Variants in SPACA7 observed in about 807,000 individuals in gnomAD.
SPACA7 encodes the protein sperm acrosome-associated protein 7.
SPACA7 carries 19 observed loss-of-function variants against 26.3 expected under a neutral mutation model. That is an observed-to-expected ratio of 0.72 (90% confidence interval 0.50 to 1.06). The LOEUF is 1.06. Ranked by LOEUF, SPACA7 falls within the 50% of genes least tolerant of loss-of-function variation. The pLI is 0.00. For synonymous variants in SPACA7, 84 were observed against 84.5 expected, an observed-to-expected ratio of 0.99 and a Z score of 0.04; for missense variants, 211 against 229.9, an observed-to-expected ratio of 0.92 and a Z score of 0.53.
chr13:112,393,811 C>A (rs1033595371), intron 2 of SPACA7, among the ~76,000 whole-genome samples: 9 of 152,206 alleles, frequency 5.9e-5, no homozygotes, highest in African/African-American at 1.9e-4. Flanking sequence ...CATGGTGAAA[C>A]CCCGCCTCTA....
At chr13:112,382,579 T>G (rs762651015) in intron 1 of SPACA7, 216 of 1,516,710 alleles carry the variant, frequency 1.4e-4, no homozygotes, top group Non-Finnish European at 1.7e-4. Context: ...CCAAGGCTTG[T>G]GTGGTAAAAA....
At chr13:112,377,331 G>T (rs1312968394) in intron 1 of SPACA7, among the ~76,000 whole-genome samples, 1 of 152,130 alleles carries the variant, frequency 6.6e-6, no homozygotes, top group Non-Finnish European at 1.5e-5. Context: ...GGACACAAAG[G>T]TCTGCTATCT....
chr13:112,394,967 A>G (rs542150514), intron 2 of SPACA7, among the ~76,000 whole-genome samples: 359 of 152,354 alleles, frequency 2.4e-3, no homozygotes, highest in African/African-American at 8.2e-3. Flanking sequence ...AGCTGAAAGC[A>G]TTGACAGTGA....
intron 2 of SPACA7, among the ~76,000 whole-genome samples, chr13:112,393,984 CA>C (rs35094954): frequency 2.7e-3 from 364 of 133,268 alleles, no homozygotes; most frequent in East Asian, 4.0e-3. Context: ...GACTCTGTCT[CA>C]AAAAAAAAAA....
intron 5 of SPACA7, among the ~76,000 whole-genome samples, chr13:112,403,052 A>G (rs1183828982): frequency 6.6e-6 from 1 of 152,148 alleles, no homozygotes; most frequent in Non-Finnish European, 1.5e-5. Flanking sequence ...TTGGTTCTTT[A>G]GAGCATCAGA....
intron 5 of SPACA7, among the ~76,000 whole-genome samples, chr13:112,407,970 A>G (rs961204766): frequency 5.3e-5 from 8 of 152,226 alleles, no homozygotes; most frequent in African/African-American, 1.9e-4. Flanking sequence ...AAAATCCTCA[A>G]TAACACACTG....
chr13:112,395,573 C>T (rs1409762286), intron 2 of SPACA7, among the ~76,000 whole-genome samples: 1 of 152,134 alleles, frequency 6.6e-6, no homozygotes, highest in Non-Finnish European at 1.5e-5. Flanking sequence ...TGGGTTCAAG[C>T]GATTCTCCTG....
In SPACA7 at chr13:112,376,488, C is replaced by G. The variant is rs776817423; in HGVS notation, c.94+9C>G. ...GAGAACCGTGATTCCAGGTAGGGCC[C>G]CACAGGGATGTCTCAGCAGAAAGAG... On this transcript the variant is annotated intron_variant, in intron 1 of 6. Coordinates refer to ENST00000283550, the MANE Select transcript of SPACA7 (RefSeq NM_145248.5). 1.9e-6 allele frequency: 3 copies of G among 1,610,488 alleles called. No individual in the cohort carries two copies. The highest frequency in any genetic ancestry group is 1.7e-6 in the Non-Finnish European group (2 of 1,178,400).
intron 5 of SPACA7, among the ~76,000 whole-genome samples, chr13:112,423,486 G>A (rs1167254652): frequency 6.6e-6 from 1 of 152,128 alleles, no homozygotes; most frequent in Non-Finnish European, 1.5e-5. Context: ...TCAAGATGAA[G>A]TGATGAGTGG....
chr13:112,413,075 C>A (rs113591190), intron 5 of SPACA7, among the ~76,000 whole-genome samples: 109 of 152,052 alleles, frequency 7.2e-4, no homozygotes, highest in Middle Eastern at 3.4e-3. Context: ...ATAGATTTGC[C>A]TTTTCATCTT....
chr13:112,410,607 T>C (rs1440247664), intron 5 of SPACA7, among the ~76,000 whole-genome samples: 1 of 152,068 alleles, frequency 6.6e-6, no homozygotes, highest in Non-Finnish European at 1.5e-5. Flanking sequence ...ATTCCACTTA[T>C]ATGACGCACC....
At chr13:112,430,170 C>CTGTG (rs1437758497) in intron 5 of SPACA7, among the ~76,000 whole-genome samples, 137 of 115,158 alleles carry the variant, frequency 1.2e-3, no homozygotes, top group Non-Finnish European at 1.2e-3. Context: ...TTGCATCTCT[C>CTGTG]TCTCTGTGTG....
In SPACA7 at chr13:112,392,925, G is replaced by A; in HGVS notation, c.95-96G>A. The A allele has an allele frequency of 3.0e-6, 3 of 996,166 alleles. No homozygotes were observed. In the East Asian group the frequency reaches 7.6e-5, roughly 25 times the overall value. 61.7% of individuals were successfully genotyped at this position (996,166 alleles called of 1,614,324 possible). The stretch of plus-strand genomic sequence containing the variant: ...GGGCAGGGCTCCTTCCTCTAGAGGG[G>A]GCTGGTGGGCACCCACAAAACCATA... On this transcript the variant is annotated intron_variant, in intron 1 of 6. Coordinates refer to ENST00000283550, the MANE Select transcript of SPACA7 (RefSeq NM_145248.5).
rs566857324 is a variant in SPACA7 at position 112,430,859 on chromosome 13, T to C, written c.446-1585T>C. 2.1e-4 allele frequency among the ~76,000 whole-genome samples: 32 copies of C among 152,376 alleles called. No individual in the cohort carries two copies. The South Asian group carries it at 6.6e-3, about 32-fold the overall frequency. On this transcript the variant is annotated intron_variant, in intron 5 of 6. Coordinates refer to ENST00000283550, the MANE Select transcript of SPACA7 (RefSeq NM_145248.5). Reference sequence around the variant, plus strand: ...AAACTAAAGATAAAATGTTTTGTATTAAATGATGAATTACATATGTTTCCA... The same window carrying C: ...AAACTAAAGATAAAATGTTTTGTATCAAATGATGAATTACATATGTTTCCA...
At chr13:112,428,933 G>A (rs1876802685) in intron 5 of SPACA7, among the ~76,000 whole-genome samples, 1 of 152,124 alleles carries the variant, frequency 6.6e-6, no homozygotes, top group Non-Finnish European at 1.5e-5. Flanking sequence ...GTTGATTATG[G>A]AGAAAGCACT....
chr13:112,413,114 C>A (rs1413936494), intron 5 of SPACA7, among the ~76,000 whole-genome samples: 1 of 152,084 alleles, frequency 6.6e-6, no homozygotes, highest in East Asian at 1.9e-4. Flanking sequence ...GGTTTGCACA[C>A]CACAATTGCA....
chr13:112,407,534 A>G (rs1024837131), intron 5 of SPACA7, among the ~76,000 whole-genome samples: 3 of 152,188 alleles, frequency 2.0e-5, no homozygotes, highest in African/African-American at 7.2e-5. Flanking sequence ...GGTAAAGGGG[A>G]TATCACCACC....
chr13:112,405,752 G>T (rs936079137), intron 5 of SPACA7, among the ~76,000 whole-genome samples: 1 of 152,106 alleles, frequency 6.6e-6, no homozygotes, highest in African/African-American at 2.4e-5. Flanking sequence ...GTTAAGAATA[G>T]TGTAAAAATT....
chr13:112,415,673 T>G (rs1484597087), intron 5 of SPACA7, among the ~76,000 whole-genome samples: 1 of 152,010 alleles, frequency 6.6e-6, no homozygotes, highest in African/African-American at 2.4e-5. Context: ...CTGCATCTGG[T>G]GTTAAATTGG....
Sources: gnomAD v4.1 joint callset for allele counts (sites outside exome capture counted in the v4.1 genomes callset) on GRCh38, gnomAD v4.1.1 for gene constraint, MANE v1.5 for transcripts, NCBI Gene and HGNC (gene_info 2026-07-23, HGNC 2026-07-21) for gene names.